CFAP44: variants seen among roughly 807,000 people sequenced by gnomAD.
CFAP44 encodes cilia- and flagella-associated protein 44.
CFAP44 carries 134 observed loss-of-function variants against 216.2 expected under a neutral mutation model. That is an observed-to-expected ratio of 0.62 (90% confidence interval 0.54 to 0.72). The LOEUF (loss-of-function observed/expected upper bound fraction) is 0.72. CFAP44 is among the 30% of genes least tolerant of loss of function. CFAP44 has a pLI of 0.00. For synonymous variants in CFAP44, 700 were observed against 727.6 expected (o/e 0.96, Z 0.61); for missense variants, 2,035 against 2,182.1 (o/e 0.93, Z 1.34).
At chr3:113,340,076 G>T (rs893871088) in intron 24 of CFAP44, among the ~76,000 whole-genome samples, 1 of 152,134 alleles carries the variant, frequency 6.6e-6, no homozygotes, top group Non-Finnish European at 1.5e-5. Context: ...GCTTTCTCCC[G>T]CCCTGCTCGT....
chr3:113,336,990 A>G (rs1421662208), intron 24 of CFAP44, among the ~76,000 whole-genome samples: 1 of 151,710 alleles, frequency 6.6e-6, no homozygotes, highest in Non-Finnish European at 1.5e-5. Context: ...AGAAAAGGAA[A>G]TAAGATGCAA....
rs1949814786 is a variant in CFAP44 at position 113,290,112 on chromosome 3, C to T, written c.*1445G>A. The T allele has an allele frequency of 6.6e-6, 1 of 152,092 alleles. No individual in the cohort carries two copies. Among genetic ancestry groups the T allele is most frequent in the African/African-American group, 2.4e-5 (1 of 41,394 alleles). The allele number at this position is 152,092 out of a possible 1,614,324, so 9.4% of individuals were successfully genotyped here. On this transcript the variant is annotated 3_prime_UTR_variant, in exon 35 of 35. Coordinates refer to ENST00000393845, the MANE Select transcript of CFAP44 (RefSeq NM_001164496.2). ...TTTTTACCGCAATAAATAAGACACT[C>T]AGGGCTATGACTAGCATATTTTTAA...
At chr3:113,352,414 A>G (rs1426095461) in intron 22 of CFAP44, among the ~76,000 whole-genome samples, 3 of 152,190 alleles carry the variant, frequency 2.0e-5, no homozygotes, top group Admixed American at 2.0e-4. Context: ...TAAGAGCTGT[A>G]AACACTTGCT....
At chr3:113,316,277 C>G (rs11916698) in intron 28 of CFAP44, among the ~76,000 whole-genome samples, 2 of 152,086 alleles carry the variant, frequency 1.3e-5, no homozygotes, top group African/African-American at 2.4e-5. Context: ...AACTTAAAAT[C>G]TGTGAGATGC....
chr3:113,410,893 G>A (rs1406983923), intron 6 of CFAP44, among the ~76,000 whole-genome samples: 1 of 152,168 alleles, frequency 6.6e-6, no homozygotes, highest in African/African-American at 2.4e-5. Flanking sequence ...TTTCTCTGAT[G>A]GCCAGTGATG....
At chr3:113,350,196 G>C (rs575592400) in intron 22 of CFAP44, among the ~76,000 whole-genome samples, 2 of 151,242 alleles carry the variant, frequency 1.3e-5, no homozygotes, top group Admixed American at 6.6e-5. Flanking sequence ...GAGAGAGGAA[G>C]AGACAGAGAG....
At chr3:113,380,022 C>T (rs930468995) in intron 16 of CFAP44, among the ~76,000 whole-genome samples, 21 of 152,134 alleles carry the variant, frequency 1.4e-4, no homozygotes, top group Admixed American at 1.0e-3. Flanking sequence ...ATCTTCCTAA[C>T]TTATTTTTTT....
intron 34 of CFAP44, 181 bp downstream of exon 34, chr3:113,294,506 C>A (rs1441817273): frequency 4.3e-6 from 3 of 692,470 alleles, no homozygotes; most frequent in Non-Finnish European, 6.7e-6. Context: ...AAAGCTAGTC[C>A]CTCAGGCCCA....
At position 113,409,236 on chromosome 3, in the gene CFAP44, G is replaced by A; in HGVS notation, c.760C>T (p.Leu254=). The A allele has an allele frequency of 6.2e-7, 1 of 1,614,148 alleles. No homozygotes were observed. The highest frequency in any genetic ancestry group is 1.1e-5 in the South Asian group (1 of 91,088). ...ASVGSNPDYT[L]TIWNWKEEQP... ...TCTTCTTTCCAGTTCCAGATAGTCA[G>A]TGTGTAGTCAGGGTTACTACCAACA... The change falls in exon 7 of 35, where the codon CTG becomes TTG. Residue 254 remains leucine (L), a synonymous_variant. Coordinates refer to ENST00000393845, the MANE Select transcript of CFAP44 (RefSeq NM_001164496.2).
intron 17 of CFAP44, among the ~76,000 whole-genome samples, chr3:113,375,743 C>T (rs757017180): frequency 5.9e-5 from 9 of 152,106 alleles, no homozygotes; most frequent in African/African-American, 9.7e-5. Flanking sequence ...ATCACTTGAG[C>T]CTGGGAAGTA....
chr3:113,437,524 C>T (rs1935265048), intron 1 of CFAP44, among the ~76,000 whole-genome samples: 1 of 152,194 alleles, frequency 6.6e-6, no homozygotes, highest in Admixed American at 6.5e-5. Context: ...CTAATACTAC[C>T]ATGTAATAAA....
chr3:113,317,202 G>A (rs7624000), intron 28 of CFAP44, among the ~76,000 whole-genome samples: 5,443 of 152,296 alleles, frequency 0.036, 305 homozygotes, highest in African/African-American at 0.12. Flanking sequence ...GACTCCCATG[G>A]ATGTGTGACC....
chr3:113,437,063 C>T lies in CFAP44; in HGVS notation c.-5-3394G>A, dbSNP rs77618899. On this transcript the variant is annotated intron_variant, in intron 1 of 34. Transcript: ENST00000393845. ...TTCAAGCTGCTGGCAGAATTCAGCCCCATGTGGCTATGGAACAGTGGTCCC... is the reference window on the plus strand; with the variant it reads ...TTCAAGCTGCTGGCAGAATTCAGCCTCATGTGGCTATGGAACAGTGGTCCC... Among the ~76,000 whole-genome samples, 114 of 152,280 alleles carry T rather than the reference C, an allele frequency of 7.5e-4. 2 individuals are homozygous for T. In the East Asian group the frequency reaches 0.015, roughly 21 times the overall value.
chr3:113,328,219 T>C (rs867393610), intron 26 of CFAP44, among the ~76,000 whole-genome samples: 19 of 151,258 alleles, frequency 1.3e-4, no homozygotes, highest in Admixed American at 1.3e-3. Flanking sequence ...CAACTTCTTA[T>C]GTTGAAAATT....
chr3:113,300,710 T>G (rs1003231000), intron 32 of CFAP44, among the ~76,000 whole-genome samples: 1 of 151,976 alleles, frequency 6.6e-6, no homozygotes, highest in Non-Finnish European at 1.5e-5. Context: ...AGACATTTTA[T>G]AGAATAGGAA....
rs1412540590 is a variant in CFAP44, at chr3:113,441,130, ACTGGAGCGGGGAG to A, written c.-6+310_-6+322del. 5.1e-4 allele frequency among the ~76,000 whole-genome samples: 77 copies of A among 152,256 alleles called. 1 individual carries two copies. Among genetic ancestry groups the A allele is most frequent in the African/African-American group, 1.6e-3 (67 of 41,550 alleles). On this transcript the variant is annotated intron_variant, in intron 1 of 34. Coordinates refer to ENST00000393845, the MANE Select transcript of CFAP44 (RefSeq NM_001164496.2). ...CAGCTGAGCGCAGGGCAGGTGTCTC[ACTGGAGCGGGGAG>A]CCCCAGCACCTTCCCAGCTGACTCG...
chr3:113,341,607 A>C (rs552048696), intron 24 of CFAP44, 137 bp downstream of exon 24: 221 of 1,033,356 alleles, frequency 2.1e-4, no homozygotes, highest in Non-Finnish European at 2.6e-4. Context: ...TGTTTATAAT[A>C]TCTCCTTCTT....
intron 18 of CFAP44, 101 bp from the exon 19 acceptor site, chr3:113,366,410 T>G (rs1932938132): frequency 7.2e-7 from 1 of 1,389,176 alleles, no homozygotes; most frequent in East Asian, 2.4e-5. Context: ...AAAGTTGTTA[T>G]GGACTGAATT....
chr3:113,439,938 G>T (rs1935322999), intron 1 of CFAP44, among the ~76,000 whole-genome samples: 1 of 151,674 alleles, frequency 6.6e-6, no homozygotes, highest in Non-Finnish European at 1.5e-5. Context: ...CAGCTGTGGA[G>T]AAAAAAAGTA....
Sources: allele counts gnomAD v4.1 joint callset (sites outside exome capture counted in the v4.1 genomes callset), GRCh38; gene constraint gnomAD v4.1.1; transcripts MANE v1.5; gene names NCBI Gene and HGNC (gene_info 2026-07-23, HGNC 2026-07-21).